The following FAN1 variants were observed in gnomAD, a reference collection of about 807,000 sequenced individuals.
FAN1 encodes the protein fanconi-associated nuclease 1.
A neutral mutation model predicts 104.9 loss-of-function variants in FAN1; 91 were observed. That is an observed-to-expected ratio of 0.87 (90% CI 0.73 to 1.03). FAN1 has a LOEUF of 1.03. Ranked by LOEUF, FAN1 falls within the 50% of genes least tolerant of loss-of-function variation. FAN1 has a pLI of 0.00. For missense variants in FAN1, 1,263 were observed against 1,239.9 expected (o/e 1.02, Z -0.28); for synonymous variants, 478 against 457.6 (o/e 1.04, Z -0.57).
chr15:30,920,575 G>A lies in FAN1; in HGVS notation c.1974G>A (p.Arg658=), dbSNP rs2062304868. ...ACGAAGATTTACCACTCTTCCTGCG[G>A]TGTTTCACTGTTGGGTGGATTTATA... The part of the protein sequence containing the change: ...RCHEDLPLFL[R]CFTVGWIYTR... Residue 658 remains arginine (R), a synonymous_variant, in exon 7 of 15, where the codon CGG becomes CGA. Coordinates refer to ENST00000362065, the MANE Select transcript of FAN1 (RefSeq NM_014967.5). 5.6e-6 allele frequency: 9 copies of A among 1,611,420 alleles called. No individual in the cohort carries two copies. The highest frequency in any genetic ancestry group is 5.5e-5 in the South Asian group (5 of 90,362).
chr15:30,908,690 A>G (rs908295600), intron 3 of FAN1, among the ~76,000 whole-genome samples: 4 of 121,328 alleles, frequency 3.3e-5, no homozygotes, highest in African/African-American at 1.0e-4. Context: ...TACTAAAAAT[A>G]CAAAATTAGG....
chr15:30,910,992 A>G, intron 4 of FAN1, 177 bp downstream of exon 4: 1 of 1,316,740 alleles, frequency 7.6e-7, no homozygotes, highest in Non-Finnish European at 9.7e-7. Context: ...TATTATTCAA[A>G]ATTTTTGTCG....
intron 13 of FAN1, 151 bp downstream of exon 13, chr15:30,930,822 C>T (rs2062690794): frequency 1.1e-6 from 1 of 916,134 alleles, no homozygotes; most frequent in Non-Finnish European, 1.7e-6. Context: ...GGGCCTGTCC[C>T]CTGCGACTGG....
chr15:30,929,473 T>A, intron 12 of FAN1, 76 bp downstream of exon 12: 1 of 1,114,190 alleles, frequency 9.0e-7, no homozygotes, highest in Non-Finnish European at 1.3e-6. Context: ...AGCAACTTTA[T>A]CAAAATACAC....
chr15:30,922,117 T>G, intron 7 of FAN1, 118 bp from the exon 8 acceptor site: 2 of 1,324,730 alleles, frequency 1.5e-6, no homozygotes, highest in Non-Finnish European at 2.1e-6. Flanking sequence ...TTGGCCTCAT[T>G]GTAGAATGGA....
chr15:30,915,313 T>C (rs2062177420), intron 5 of FAN1, among the ~76,000 whole-genome samples: 1 of 151,906 alleles, frequency 6.6e-6, no homozygotes, highest in Non-Finnish European at 1.5e-5. Context: ...GGAAGGGGGA[T>C]AGGGAAAGGT....
rs761393327 is a variant in FAN1 at position 30,929,203 on chromosome 15, G to A, written c.2593G>A (p.Ala865Thr). Reference sequence around the variant, plus strand: ...ACAGCTTGCTTTCCCTGTGACACAGGCATTCCCCCTGGACTTGTGCACAGA... The same window carrying A: ...ACAGCTTGCTTTCCCTGTGACACAGACATTCCCCCTGGACTTGTGCACAGA... ...IPDVFRNACQAFPLDLCTDSF... is the reference protein window; with the variant it reads ...IPDVFRNACQTFPLDLCTDSF... The change falls in exon 12 of 15, where the codon GCA becomes ACA. Residue 865 changes from alanine to threonine, a missense_variant and splice_region_variant. Ala to Thr is a moderately conservative substitution (Grantham distance 58). Around this residue, in one of 2 missense-constraint regions of FAN1, gnomAD observed 581 missense variants for 668.8 expected, o/e 0.87. Transcript: ENST00000362065. The A allele has an allele frequency of 2.5e-6, 4 of 1,610,486 alleles. No individual in the cohort carries two copies. The African/African-American group carries it at 5.4e-5, about 22-fold the overall frequency.
At chr15:30,926,594 T>C (rs2062469068) in intron 10 of FAN1, 2 of 984,072 alleles carry the variant, frequency 2.0e-6, no homozygotes, top group African/African-American at 3.5e-5. Flanking sequence ...ACATAATATC[T>C]TTATTACTTA....
At position 30,919,979 on chromosome 15, in the gene FAN1, T is replaced by C. The variant is rs943259288; in HGVS notation, c.1944-566T>C. ...TAAAAATCACAAGAAGTTAGATTAC[T>C]ATAAACAGAGGTTGATAAACTTCTG... is the stretch of plus-strand genomic sequence containing the variant. On this transcript the variant is annotated intron_variant, in intron 6 of 14. Coordinates refer to ENST00000362065, the MANE Select transcript of FAN1 (RefSeq NM_014967.5). Among the ~76,000 whole-genome samples, 5 of 152,214 alleles carry C rather than the reference T, an allele frequency of 3.3e-5. 1 individual carries two copies. Among genetic ancestry groups the C allele is most frequent in the African/African-American group, 1.2e-4 (5 of 41,450 alleles).
chr15:30,930,477 C>T, intron 12 of FAN1, 66 bp from the exon 13 acceptor site: 7 of 1,530,336 alleles, frequency 4.6e-6, no homozygotes, highest in Non-Finnish European at 5.2e-6. Context: ...GTCTCGTGAT[C>T]CCTGGAGCCT....
intron 12 of FAN1, among the ~76,000 whole-genome samples, chr15:30,929,958 C>CAT (rs1461995325): frequency 6.9e-5 from 7 of 100,736 alleles, no homozygotes; most frequent in African/African-American, 1.3e-4. Flanking sequence ...TAATATATAT[C>CAT]ATATAATATA....
At position 30,920,583 on chromosome 15, in the gene FAN1, C is replaced by G. The variant is rs1431250693; in HGVS notation, c.1982C>G (p.Thr661Ser). The G allele has an allele frequency of 6.2e-7, 1 of 1,611,808 alleles. No individual in the cohort carries two copies. The highest frequency in any genetic ancestry group is 1.7e-5 in the Admixed American group (1 of 59,684). Residue 661 changes from threonine (T) to serine (S), a missense_variant, in exon 7 of 15, where the codon ACT becomes AGT. Coordinates refer to ENST00000362065, the MANE Select transcript of FAN1 (RefSeq NM_014967.5). ...TTACCACTCTTCCTGCGGTGTTTCA[C>G]TGTTGGGTGGATTTATACAAGGATT... ...EDLPLFLRCF[T>S]VGWIYTRILS...
chr15:30,939,244 C>T (rs2062956476), intron 14 of FAN1: 4 of 985,444 alleles, frequency 4.1e-6, no homozygotes, highest in Non-Finnish European at 4.8e-6. Flanking sequence ...CATAAAATAA[C>T]AGCAAGACAC....
At chr15:30,933,506 C>G (rs2062767809) in intron 13 of FAN1, among the ~76,000 whole-genome samples, 2 of 152,018 alleles carry the variant, frequency 1.3e-5, no homozygotes, top group Admixed American at 1.3e-4. Context: ...GATTTGAATC[C>G]CACTAAATTT....
chr15:30,938,458 A>C (rs1595894250), intron 14 of FAN1, among the ~76,000 whole-genome samples: 2 of 152,144 alleles, frequency 1.3e-5, no homozygotes, highest in African/African-American at 4.8e-5. Context: ...TCTTTATCAG[A>C]GGCAGTTGTC....
chr15:30,925,038 T>C (rs931442144), intron 8 of FAN1, 89 bp from the exon 9 acceptor site: 6 of 1,386,894 alleles, frequency 4.3e-6, no homozygotes, highest in Non-Finnish European at 5.9e-6. Flanking sequence ...AATTCAATAA[T>C]AAACAGTGGG....
intron 14 of FAN1, 200 bp from the exon 15 acceptor site, chr15:30,941,366 C>T: frequency 1.3e-6 from 2 of 1,538,850 alleles, no homozygotes; most frequent in South Asian, 1.2e-5. Context: ...AACTATTATT[C>T]TTACATATAA....
chr15:30,911,865 C>A, intron 4 of FAN1: 1 of 191,182 alleles, frequency 5.2e-6, no homozygotes, highest in Non-Finnish European at 9.6e-6. Flanking sequence ...AGTTCGAGAC[C>A]AGCCTGGCCA....
chr15:30,940,183 G>A (rs1371928940), intron 14 of FAN1: 2 of 985,342 alleles, frequency 2.0e-6, no homozygotes, highest in Non-Finnish European at 2.4e-6. Flanking sequence ...AATGAGGAGT[G>A]TGGGGGAGGT....
Sources: gnomAD v4.1 joint callset for allele counts (sites outside exome capture counted in the v4.1 genomes callset) on GRCh38, gnomAD v4.1.1 for gene constraint, gnomAD v4.1.1 regional missense constraint, MANE v1.5 for transcripts, NCBI Gene and HGNC (gene_info 2026-07-23, HGNC 2026-07-21) for gene names.